Variants in DNM3 observed in about 807,000 individuals in gnomAD.
DNM3 encodes the protein dynamin 3.
A neutral mutation model predicts 101.6 loss-of-function variants in DNM3; 47 were observed. That is an observed-to-expected ratio of 0.46 (90% CI 0.37 to 0.59). The LOEUF is 0.59. DNM3 is among the 20% of genes least tolerant of loss of function. The pLI is 0.00. For synonymous variants in DNM3, 385 were observed against 387.9 expected, an observed-to-expected ratio of 0.99 and a Z score of 0.09; for missense variants, 849 against 1,085.7, an observed-to-expected ratio of 0.78 and a Z score of 3.06.
intron 4 of DNM3, among the ~76,000 whole-genome samples, chr1:172,009,117 CATATA>C (rs1273978464): frequency 4.0e-5 from 5 of 125,180 alleles, no homozygotes; most frequent in African/African-American, 6.1e-5. Context: ...TATTATATAT[CATATA>C]ATATATATAT....
At chr1:172,107,155 C>T (rs1450978124) in intron 13 of DNM3, among the ~76,000 whole-genome samples, 6 of 151,926 alleles carry the variant, frequency 3.9e-5, no homozygotes, top group African/African-American at 9.7e-5. Context: ...CCACCGCGCC[C>T]GGCCGGTAAC....
chr1:172,371,595 T>TA (rs1187660573), intron 17 of DNM3, among the ~76,000 whole-genome samples: 2 of 151,960 alleles, frequency 1.3e-5, no homozygotes, highest in African/African-American at 2.4e-5. Flanking sequence ...CCCTGTCCTA[T>TA]AAAATGTATA....
intron 1 of DNM3, among the ~76,000 whole-genome samples, chr1:171,892,954 G>A (rs536949595): frequency 1.3e-5 from 2 of 152,036 alleles, no homozygotes; most frequent in African/African-American, 2.4e-5. Flanking sequence ...ACCTCCTGCT[G>A]TGCGGCCCAG....
intron 10 of DNM3, among the ~76,000 whole-genome samples, chr1:172,065,407 AC>A (rs887602220): frequency 2.0e-5 from 3 of 152,058 alleles, no homozygotes; most frequent in African/African-American, 7.2e-5. Context: ...TGTCTTGGTG[AC>A]CTAGGGCAGG....
intron 4 of DNM3, among the ~76,000 whole-genome samples, chr1:172,028,222 C>G (rs557596373): frequency 3.7e-4 from 57 of 152,366 alleles, no homozygotes; most frequent in South Asian, 2.3e-3. Flanking sequence ...AACAGTCTCT[C>G]TGACCACAGT....
intron 4 of DNM3, among the ~76,000 whole-genome samples, chr1:172,000,645 T>C (rs1340409311): frequency 6.6e-6 from 1 of 152,068 alleles, no homozygotes; most frequent in African/African-American, 2.4e-5. Context: ...CTCCAATCTT[T>C]GTATCAAAAC....
chr1:172,002,857 T>G (rs1349266922), intron 4 of DNM3, among the ~76,000 whole-genome samples: 1 of 152,064 alleles, frequency 6.6e-6, no homozygotes, highest in African/African-American at 2.4e-5. Flanking sequence ...AATGTGCTGT[T>G]AAAATAGAGC....
At chr1:172,204,308 C>G (rs979770033) in intron 14 of DNM3, among the ~76,000 whole-genome samples, 3 of 150,856 alleles carry the variant, frequency 2.0e-5, no homozygotes, top group Non-Finnish European at 4.4e-5. Context: ...TGTTTGTTCT[C>G]AAAAAATACA....
chr1:172,142,851 T>C (rs1230631816), intron 14 of DNM3, among the ~76,000 whole-genome samples: 1 of 151,718 alleles, frequency 6.6e-6, no homozygotes, highest in Non-Finnish European at 1.5e-5. Flanking sequence ...CTTGAAAAAA[T>C]GAGCTCCTCT....
chr1:172,388,307 G>A (rs1190525979), intron 19 of DNM3, among the ~76,000 whole-genome samples: 1 of 151,934 alleles, frequency 6.6e-6, no homozygotes, highest in Non-Finnish European at 1.5e-5. Flanking sequence ...TATAGAGAGA[G>A]AAAATATATA....
intron 12 of DNM3, among the ~76,000 whole-genome samples, chr1:172,086,115 GT>G (rs1267774117): frequency 6.6e-6 from 1 of 152,108 alleles, no homozygotes; most frequent in Non-Finnish European, 1.5e-5. Context: ...TAGACTTCCA[GT>G]TTTCTCTTTC....
chr1:172,360,094 A>G (rs917414045), intron 17 of DNM3, among the ~76,000 whole-genome samples: 3 of 152,164 alleles, frequency 2.0e-5, no homozygotes, highest in Non-Finnish European at 4.4e-5. Context: ...ATAATTTTTA[A>G]AAGTGTACAT....
At chr1:172,171,162 G>A (rs1381989420) in intron 14 of DNM3, among the ~76,000 whole-genome samples, 1 of 151,676 alleles carries the variant, frequency 6.6e-6, no homozygotes, top group Non-Finnish European at 1.5e-5. Flanking sequence ...GTGAGGAATA[G>A]CACATAATTC....
intron 2 of DNM3, among the ~76,000 whole-genome samples, chr1:171,964,142 GC>G (rs1376383414): frequency 6.6e-6 from 1 of 152,044 alleles, no homozygotes; most frequent in East Asian, 1.9e-4. Context: ...TTTTGAAATG[GC>G]CCTGCAAAGC....
chr1:172,187,826 C>T (rs1334463592), intron 14 of DNM3, among the ~76,000 whole-genome samples: 1 of 152,010 alleles, frequency 6.6e-6, no homozygotes, highest in Non-Finnish European at 1.5e-5. Context: ...TCATGTTTCT[C>T]TGAATATCCT....
intron 20 of DNM3, among the ~76,000 whole-genome samples, chr1:172,398,465 A>C (rs1174418007): frequency 6.6e-6 from 1 of 152,200 alleles, no homozygotes; most frequent in Admixed American, 6.5e-5. Context: ...CCCCTGGTCT[A>C]ATGTTCTGTA....
At chr1:171,876,598 T>C (rs965521884) in intron 1 of DNM3, among the ~76,000 whole-genome samples, 15 of 152,184 alleles carry the variant, frequency 9.9e-5, no homozygotes, top group African/African-American at 3.6e-4. Context: ...CAGGCTAACC[T>C]CCAAGTGGAT....
chr1:172,318,227 G>C (rs1443778760), intron 16 of DNM3, among the ~76,000 whole-genome samples: 3 of 152,058 alleles, frequency 2.0e-5, no homozygotes, highest in Non-Finnish European at 2.9e-5. Context: ...GGTATTGATG[G>C]GACGTATCTC....
At position 172,195,431 on chromosome 1, in the gene DNM3, T is replaced by C. The variant is rs184778601; in HGVS notation, c.1660-58142T>C. Among the ~76,000 whole-genome samples the C allele has an allele frequency of 1.3e-3, 204 of 152,034 alleles. 1 individual carries two copies. The highest frequency in any genetic ancestry group is 4.8e-3 in the African/African-American group (198 of 41,520). On this transcript the variant is annotated intron_variant, in intron 14 of 20. Coordinates refer to ENST00000627582, the MANE Select transcript of DNM3 (RefSeq NM_015569.5). ...TCTCTTATTTCCTTTTCTTGACTTATGGCATCAGCTAGAATTTCCAATATG... is the reference window on the plus strand; with the variant it reads ...TCTCTTATTTCCTTTTCTTGACTTACGGCATCAGCTAGAATTTCCAATATG...
Sources: gnomAD v4.1 joint callset for allele counts (sites outside exome capture counted in the v4.1 genomes callset) on GRCh38, gnomAD v4.1.1 for gene constraint, MANE v1.5 for transcripts, NCBI Gene and HGNC (gene_info 2026-07-23, HGNC 2026-07-21) for gene names.